Variants in CTNNA3 observed in about 807,000 individuals in gnomAD.
CTNNA3 encodes catenin alpha-3.
A neutral mutation model predicts 95.7 loss-of-function variants in CTNNA3; 76 were observed. That is an observed-to-expected ratio of 0.79 (90% CI 0.66 to 0.96). The LOEUF is 0.96. Ranked by LOEUF, CTNNA3 falls within the 40% of genes least tolerant of loss-of-function variation. The pLI, the probability that CTNNA3 is intolerant of heterozygous loss-of-function variation, is 0.00. For missense variants in CTNNA3, 1,191 were observed against 1,089.8 expected (o/e 1.09, Z -1.31); for synonymous variants, 431 against 374.4 (o/e 1.15, Z -1.74).
intron 11 of CTNNA3, among the ~76,000 whole-genome samples, chr10:66,391,875 G>T (rs1205605990): frequency 6.6e-6 from 1 of 151,880 alleles, no homozygotes; most frequent in African/African-American, 2.4e-5. Flanking sequence ...TGACTTGGAA[G>T]CTACTGATTT....
intron 10 of CTNNA3, among the ~76,000 whole-genome samples, chr10:66,555,338 A>G (rs1842357545): frequency 6.6e-6 from 1 of 152,138 alleles, no homozygotes; most frequent in Non-Finnish European, 1.5e-5. Context: ...TGCAAATGCC[A>G]TTAGATTAAG....
At chr10:67,671,925 G>C (rs1589555714) in intron 1 of CTNNA3, among the ~76,000 whole-genome samples, 1 of 152,056 alleles carries the variant, frequency 6.6e-6, no homozygotes, top group African/African-American at 2.4e-5. Context: ...GACCCCTGAG[G>C]AATCGCCACA....
Position 67,219,618 on chromosome 10 carries a change from C to T in CTNNA3, c.832G>A (p.Asp278Asn), listed in dbSNP as rs143693772. Residue 278 changes from aspartate to asparagine, a missense_variant, in exon 6 of 18, where the codon GAT (aspartate) becomes AAT (asparagine). Coordinates refer to ENST00000433211, the MANE Select transcript of CTNNA3 (RefSeq NM_013266.4). ...TTCTCCCGACTTACCTCCAGCTCAT[C>T]AAGGGCACTTCCCAGGGTTGCTGCC... Reference protein sequence around the residue: ...PQAATLGSALDELENLIVLNP... With the variant: ...PQAATLGSALNELENLIVLNP... 40 of 1,612,760 alleles carry T rather than the reference C, an allele frequency of 2.5e-5. No homozygotes were observed. In the African/African-American group the frequency reaches 4.3e-4, roughly 17 times the overall value.
rs144138623 is a variant in CTNNA3, at chr10:66,777,330, C to T, written c.1048-1806G>A. Among the ~76,000 whole-genome samples, 9 of 151,826 alleles carry T rather than the reference C, an allele frequency of 5.9e-5. No homozygotes were observed. In the East Asian group the frequency reaches 1.2e-3, roughly 20 times the overall value. On this transcript the variant is annotated intron_variant, in intron 7 of 17. Coordinates refer to ENST00000433211, the MANE Select transcript of CTNNA3 (RefSeq NM_013266.4). ...ACAGTAGAAGGCCAGTAAGTCTTTA[C>T]CATGTTTTAGTTTCTTATAAAGAGA...
Position 67,443,790 on chromosome 10 carries a change from C to G in CTNNA3, c.579+78052G>C, listed in dbSNP as rs1846629903. Among the ~76,000 whole-genome samples the G allele has an allele frequency of 2.0e-5, 3 of 152,138 alleles. No homozygotes were observed. In the South Asian group the frequency reaches 6.2e-4, roughly 32 times the overall value. ...TAGTTTCTTTTGCTGTGCAGGAGCT[C>G]TTTAGTTTAATTAGATCCCATTTGT... On this transcript the variant is annotated intron_variant, in intron 5 of 17. Transcript: ENST00000433211.
chr10:66,186,833 A>T (rs953337816), intron 13 of CTNNA3, among the ~76,000 whole-genome samples: 2 of 152,132 alleles, frequency 1.3e-5, no homozygotes, highest in Admixed American at 1.3e-4. Context: ...GAACACTGCA[A>T]AAAAAAGGTG....
chr10:67,429,124 C>G (rs557511879), intron 5 of CTNNA3, among the ~76,000 whole-genome samples: 1 of 152,018 alleles, frequency 6.6e-6, no homozygotes, highest in South Asian at 2.1e-4. Flanking sequence ...CACATTAACT[C>G]TACGAATTAG....
At chr10:66,119,291 G>T (rs1056857226) in intron 13 of CTNNA3, among the ~76,000 whole-genome samples, 4 of 152,128 alleles carry the variant, frequency 2.6e-5, no homozygotes, top group African/African-American at 9.7e-5. Context: ...TATTGAAACA[G>T]TGTTCACATT....
intron 7 of CTNNA3, among the ~76,000 whole-genome samples, chr10:66,778,298 T>A (rs565549647): frequency 1.3e-5 from 2 of 152,250 alleles, no homozygotes; most frequent in Non-Finnish European, 2.9e-5. Flanking sequence ...TAAAAATAAA[T>A]AAGGCAAGGA....
chr10:66,842,976 C>T (rs75366909), intron 7 of CTNNA3, among the ~76,000 whole-genome samples: 5,007 of 152,130 alleles, frequency 0.033, 98 homozygotes, highest in South Asian at 0.048. Context: ...TAGTCAAATC[C>T]AGAGCAAAGA....
At chr10:67,509,158 G>A (rs1839523456) in intron 5 of CTNNA3, among the ~76,000 whole-genome samples, 1 of 151,740 alleles carries the variant, frequency 6.6e-6, no homozygotes, top group Admixed American at 6.6e-5. Flanking sequence ...TTACAGGTGT[G>A]AGCCACTGTG....
chr10:66,867,111 C>G (rs765785112), intron 7 of CTNNA3, among the ~76,000 whole-genome samples: 2 of 152,124 alleles, frequency 1.3e-5, no homozygotes, highest in Non-Finnish European at 2.9e-5. Flanking sequence ...AACTGTGGGT[C>G]CATTAAACAT....
At chr10:66,380,241 T>C (rs1266001056) in intron 11 of CTNNA3, among the ~76,000 whole-genome samples, 1 of 152,020 alleles carries the variant, frequency 6.6e-6, no homozygotes, top group Non-Finnish European at 1.5e-5. Flanking sequence ...ATGTGCTGAC[T>C]ATGTGTGTGT....
At chr10:66,109,499 G>A (rs1184715645) in intron 13 of CTNNA3, among the ~76,000 whole-genome samples, 1 of 152,084 alleles carries the variant, frequency 6.6e-6, no homozygotes, top group Non-Finnish European at 1.5e-5. Flanking sequence ...AATATCCCCT[G>A]GAAATTTGGA....
intron 1 of CTNNA3, among the ~76,000 whole-genome samples, chr10:67,652,537 T>G (rs910274807): frequency 1.3e-5 from 2 of 152,202 alleles, no homozygotes; most frequent in African/African-American, 4.8e-5. Flanking sequence ...ATACAAGGTT[T>G]AATAATGTAT....
chr10:67,100,983 T>A (rs1858304362), intron 7 of CTNNA3, among the ~76,000 whole-genome samples: 1 of 151,740 alleles, frequency 6.6e-6, no homozygotes, highest in South Asian at 2.1e-4. Flanking sequence ...ATATTTGACA[T>A]GTTGTTTAGT....
intron 6 of CTNNA3, among the ~76,000 whole-genome samples, chr10:67,186,690 AGT>A (rs1334395334): frequency 6.6e-6 from 1 of 152,216 alleles, no homozygotes; most frequent in African/African-American, 2.4e-5. Flanking sequence ...ACAGCATTTC[AGT>A]GTGTTTCATG....
intron 5 of CTNNA3, among the ~76,000 whole-genome samples, chr10:67,269,195 A>C (rs1790706327): frequency 6.6e-6 from 1 of 152,176 alleles, no homozygotes; most frequent in Admixed American, 6.5e-5. Context: ...CCTTTTTATA[A>C]TTCATATAAC....
At chr10:66,582,031 G>T (rs778885269) in intron 10 of CTNNA3, among the ~76,000 whole-genome samples, 22 of 151,790 alleles carry the variant, frequency 1.4e-4, no homozygotes, top group Non-Finnish European at 2.2e-4. Context: ...GTACCATGCT[G>T]ATTTGGTTAC....
Sources: gnomAD v4.1 joint callset for allele counts (sites outside exome capture counted in the v4.1 genomes callset) on GRCh38, gnomAD v4.1.1 for gene constraint, MANE v1.5 for transcripts, NCBI Gene and HGNC (gene_info 2026-07-23, HGNC 2026-07-21) for gene names.